ATG2B: variants seen among roughly 807,000 people sequenced by gnomAD.
The protein encoded by ATG2B is autophagy related 2B.
A neutral mutation model predicts 241.3 loss-of-function variants in ATG2B; 121 were observed. That is an observed-to-expected ratio of 0.50 (90% CI 0.43 to 0.58). The LOEUF is 0.58. Among genes scored for constraint, ATG2B ranks in the 20% least tolerant of loss-of-function variants. The pLI is 0.00. For missense variants in ATG2B, 2,306 were observed against 2,491.6 expected (o/e 0.93, Z 1.59); for synonymous variants, 858 against 876.6 (o/e 0.98, Z 0.37).
intron 8 of ATG2B, among the ~76,000 whole-genome samples, 184 bp downstream of exon 8, chr14:96,333,504 G>A (rs1887792961): frequency 6.6e-6 from 1 of 152,162 alleles, no homozygotes; most frequent in Admixed American, 6.5e-5. Flanking sequence ...TAGCACCTAT[G>A]TGCTGGTGCA....
In ATG2B at chr14:96,313,164, C is replaced by T. The variant is rs989130770; in HGVS notation, c.3750-7G>A. ...GATTGGCAAATAAAGGGGTCTAATG[C>T]CAAAGAGAAACAAAAGAACATCAGT... is the stretch of plus-strand genomic sequence containing the variant. On this transcript the variant is annotated splice_polypyrimidine_tract_variant and splice_region_variant and intron_variant, in intron 24 of 41. Transcript: ENST00000359933. The T allele has an allele frequency of 1.2e-6, 2 of 1,600,980 alleles. No individual in the cohort carries two copies. The highest frequency in any genetic ancestry group is 2.7e-5 in the African/African-American group (2 of 74,422).
At chr14:96,338,125 T>C (rs1199792454) in intron 6 of ATG2B, among the ~76,000 whole-genome samples, 1 of 152,170 alleles carries the variant, frequency 6.6e-6, no homozygotes, top group African/African-American at 2.4e-5. Context: ...CTGATTCGTG[T>C]ACGCTGATTT....
At chr14:96,310,458 T>C (rs1184772635) in intron 28 of ATG2B, among the ~76,000 whole-genome samples, 1 of 151,998 alleles carries the variant, frequency 6.6e-6, no homozygotes, top group African/African-American at 2.4e-5. Flanking sequence ...AAAGAAAAAA[T>C]GCTAAACAAA....
rs148032743 is a variant in ATG2B at position 96,325,504 on chromosome 14, G to C, written c.2437+145C>G. ...TATCACATATTTGCATACAATACTA[G>C]AAAGACATTGTTGCTGTTGATTTTA... On this transcript the variant is annotated intron_variant, in intron 15 of 41. Coordinates refer to ENST00000359933, the MANE Select transcript of ATG2B (RefSeq NM_018036.7). 163 of 745,508 alleles carry C rather than the reference G, an allele frequency of 2.2e-4. 1 individual carries two copies. In the African/African-American group the frequency reaches 2.7e-3, roughly 12 times the overall value. The allele number at this position is 745,508 out of a possible 1,614,324, so 46.2% of individuals were successfully genotyped here. A position where few individuals can be genotyped will look rare whatever the true frequency, so the allele number is the denominator to read the frequency against.
At chr14:96,337,785 T>C (rs139181131) in intron 6 of ATG2B, among the ~76,000 whole-genome samples, 3,000 of 152,236 alleles carry the variant, frequency 0.02, 39 homozygotes, top group Non-Finnish European at 0.028. Context: ...CATATGAATT[T>C]TAGGGTTGTT....
At chr14:96,286,524 G>A (rs1886339761) in intron 41 of ATG2B, among the ~76,000 whole-genome samples, 1 of 152,204 alleles carries the variant, frequency 6.6e-6, no homozygotes. Context: ...GCAGGAACAT[G>A]TTTAATAATT....
intron 3 of ATG2B, 145 bp downstream of exon 3, chr14:96,345,088 C>A (rs966188487): frequency 3.1e-5 from 18 of 589,530 alleles, no homozygotes; most frequent in South Asian, 8.2e-5. Flanking sequence ...ATTTAAAATA[C>A]CTCAATTCTA....
At chr14:96,360,786 AT>A (rs940382698) in intron 1 of ATG2B, among the ~76,000 whole-genome samples, 20 of 152,008 alleles carry the variant, frequency 1.3e-4, no homozygotes, top group African/African-American at 4.1e-4. Context: ...TTTTTCAGTC[AT>A]GTAAGTCATT....
chr14:96,299,280 A>G (rs1886726793), intron 34 of ATG2B, among the ~76,000 whole-genome samples: 1 of 152,126 alleles, frequency 6.6e-6, no homozygotes, highest in Non-Finnish European at 1.5e-5. Context: ...ACCTCCAGAA[A>G]GCCTTTCCTG....
Position 96,348,431 on chromosome 14 carries a change from C to T in ATG2B, c.163-1090G>A, listed in dbSNP as rs527651351. 3.9e-5 allele frequency among the ~76,000 whole-genome samples: 6 copies of T among 152,150 alleles called. No homozygotes were observed. The South Asian group carries it at 1.2e-3, about 32-fold the overall frequency. ...GGCATGGTGGCTCACACCTATAATC[C>T]CGGCACTTTGGGAGGCTGAGACGGG... On this transcript the variant is annotated intron_variant, in intron 1 of 41. Coordinates refer to ENST00000359933, the MANE Select transcript of ATG2B (RefSeq NM_018036.7).
At chr14:96,357,043 T>C (rs1216414595) in intron 1 of ATG2B, among the ~76,000 whole-genome samples, 6 of 152,190 alleles carry the variant, frequency 3.9e-5, no homozygotes, top group Non-Finnish European at 7.3e-5. Context: ...AAGGTAGTTA[T>C]CTGCTCAAAC....
Position 96,283,848 on chromosome 14 carries a change from G to A in ATG2B, c.*1907C>T, listed in dbSNP as rs1886266665. Reference sequence around the variant, plus strand: ...CCCAAAATGATTACATCGACAACAGGTGCAGGAGGGTAGAACAAAGAAAGA... The same window carrying A: ...CCCAAAATGATTACATCGACAACAGATGCAGGAGGGTAGAACAAAGAAAGA... On this transcript the variant is annotated 3_prime_UTR_variant, in exon 42 of 42. Transcript: ENST00000359933. The A allele has an allele frequency of 1.3e-5, 2 of 152,180 alleles. No individual in the cohort carries two copies. The highest frequency in any genetic ancestry group is 2.4e-5 in the African/African-American group (1 of 41,438). 9.4% of individuals were successfully genotyped at this position (152,180 alleles called of 1,614,324 possible). A position where few individuals can be genotyped will look rare whatever the true frequency, so the allele number is the denominator to read the frequency against.
At chr14:96,317,425 G>T in intron 19 of ATG2B, 108 bp from the exon 20 acceptor site, 2 of 968,314 alleles carry the variant, frequency 2.1e-6, no homozygotes, top group Non-Finnish European at 3.0e-6. Context: ...CAAAGAATAT[G>T]GTGTGAACAC....
At chr14:96,327,428 A>T (rs1037376915) in intron 14 of ATG2B, among the ~76,000 whole-genome samples, 13 of 152,140 alleles carry the variant, frequency 8.5e-5, no homozygotes, top group African/African-American at 2.9e-4. Context: ...TGACTGATTT[A>T]ATTTGCTTAG....
In ATG2B at chr14:96,316,517, C is replaced by T. The variant is rs760872532; in HGVS notation, c.3361+16G>A. On this transcript the variant is annotated intron_variant, in intron 21 of 41. Coordinates refer to ENST00000359933, the MANE Select transcript of ATG2B (RefSeq NM_018036.7). ...CATGTCTAAAGAGAAGAAACCAAGA[C>T]ACGTGTTTGTCCTACCTTTATGGTA... The T allele has an allele frequency of 6.3e-5, 101 of 1,606,008 alleles. No homozygotes were observed. The highest frequency in any genetic ancestry group is 8.2e-5 in the Non-Finnish European group (96 of 1,177,846).
At chr14:96,324,072 C>CCTCT in intron 15 of ATG2B, 74 bp from the exon 16 acceptor site, 3 of 994,546 alleles carry the variant, frequency 3.0e-6, no homozygotes, top group Non-Finnish European at 4.5e-6. Context: ...GAGCAAAGAT[C>CCTCT]CTCTCAATCA....
chr14:96,290,389 T>C lies in ATG2B; in HGVS notation c.5856+47A>G. On this transcript the variant is annotated intron_variant, in intron 40 of 41. Transcript: ENST00000359933. The surrounding 1 kb of genome is among the most constrained non-coding windows in gnomAD (Gnocchi z 4.4). Reference sequence around the variant, plus strand: ...TTTAAAAACAAAAGGACCCAACCATTTCACAATGGCTCTTTTTGGATAGAC... The same window carrying C: ...TTTAAAAACAAAAGGACCCAACCATCTCACAATGGCTCTTTTTGGATAGAC... 6.3e-7 allele frequency: 1 copy of C among 1,586,008 alleles called. No individual in the cohort carries two copies. The highest frequency in any genetic ancestry group is 1.4e-5 in the African/African-American group (1 of 74,002).
intron 1 of ATG2B, among the ~76,000 whole-genome samples, chr14:96,359,276 G>A (rs1888561718): frequency 6.6e-6 from 1 of 152,070 alleles, no homozygotes; most frequent in South Asian, 2.1e-4. Flanking sequence ...AGGGAGGGGA[G>A]GAGAGGTAGG....
intron 3 of ATG2B, among the ~76,000 whole-genome samples, chr14:96,345,029 T>C (rs968073292): frequency 6.6e-6 from 1 of 150,894 alleles, no homozygotes; most frequent in Non-Finnish European, 1.5e-5. Flanking sequence ...GCATAATAAA[T>C]GGAGAAACTA....
Sources: gnomAD v4.1 joint callset for allele counts (sites outside exome capture counted in the v4.1 genomes callset) on GRCh38, gnomAD v4.1.1 for gene constraint, Gnocchi (gnomAD v3.1) non-coding constraint, MANE v1.5 for transcripts, NCBI Gene and HGNC (gene_info 2026-07-23, HGNC 2026-07-21) for gene names.